TMEM259: variants seen among roughly 807,000 people sequenced by gnomAD.
TMEM259 encodes the protein membralin.
A neutral mutation model predicts 46.7 loss-of-function variants in TMEM259; 26 were observed. The observed-to-expected ratio is 0.56, with a 90% CI of 0.41 to 0.77. TMEM259 has a LOEUF of 0.77. Among genes scored for constraint, TMEM259 ranks in the 30% least tolerant of loss-of-function variants. The probability of loss-of-function intolerance (pLI) is 0.00; values close to 1 mark genes in which losing one functional copy is unlikely to be tolerated. For missense variants in TMEM259, 930 were observed against 900.5 expected, an observed-to-expected ratio of 1.03 and a Z score of -0.42; for synonymous variants, 494 against 395.1, an observed-to-expected ratio of 1.25 and a Z score of -2.97.
chr19:1,010,373 C>A lies in TMEM259; in HGVS notation c.1840G>T (p.Ala614Ser). The A allele has an allele frequency of 6.7e-7, 1 of 1,498,214 alleles. No individual in the cohort carries two copies. The highest frequency in any genetic ancestry group is 8.8e-7 in the Non-Finnish European group (1 of 1,131,504). The allele number at this position is 1,498,214 out of a possible 1,614,324, so 92.8% of individuals were successfully genotyped here. The change falls in exon 11 of 11, where the codon GCG (alanine) becomes TCG (serine). Residue 614 changes from alanine (A) to serine (S), a missense_variant. Physicochemically the swap from Ala to Ser is moderately conservative, Grantham distance 99. Coordinates refer to ENST00000356663, the MANE Select transcript of TMEM259 (RefSeq NM_001033026.2). ...GCTCAGGACCCCACCTCCGAGGGCG[C>A]CTCCGTTGGGGCCATGGAGGCCGGG... ...PSPASMAPTE[A>S]PSEVGS
In TMEM259 at chr19:1,011,929, G is replaced by A. The variant is rs756359340; in HGVS notation, c.905C>T (p.Thr302Met). ...GATGGCGAAGGCGGCCAGGTAGGAC[G>A]TCCGCGCCATCCACATGCTCACAAA... is the stretch of plus-strand genomic sequence containing the variant. ...YRFVSMWMAR[T>M]SYLAAFAIMV... is the part of the protein sequence containing the mutation. The change falls in exon 6 of 11, where the codon ACG becomes ATG. Residue 302 changes from threonine to methionine, a missense_variant. By Grantham distance (81) the Thr-to-Met change is moderately conservative (BLOSUM62 -1). Transcript: ENST00000356663. 10 of 1,611,658 alleles carry A rather than the reference G, an allele frequency of 6.2e-6. No individual in the cohort carries two copies. Among genetic ancestry groups the A allele is most frequent in the South Asian group, 2.2e-5 (2 of 91,068 alleles).
chr19:1,019,108 G>A (rs1473235294), intron 1 of TMEM259, among the ~76,000 whole-genome samples: 1 of 152,184 alleles, frequency 6.6e-6, no homozygotes, highest in Non-Finnish European at 1.5e-5. Flanking sequence ...ACAGAAGACG[G>A]GGAACTCCAG....
At chr19:1,016,752 T>C (rs937260200) in intron 1 of TMEM259, among the ~76,000 whole-genome samples, 12 of 152,156 alleles carry the variant, frequency 7.9e-5, no homozygotes, top group African/African-American at 2.7e-4. Flanking sequence ...GAAGAGCAGC[T>C]CCTGGGGTTG....
rs1486608895 is a variant in TMEM259, at chr19:1,020,315, G to A, written c.225+457C>T. ...CTGCGTCAGGCTGGGTTCTGGGCCA[G>A]CACATTGGGAGGGGAGAGAGGCCTC... On this transcript the variant is annotated intron_variant, in intron 1 of 10. Coordinates refer to ENST00000356663, the MANE Select transcript of TMEM259 (RefSeq NM_001033026.2). This position sits in a 1 kb window ranked among gnomAD's most constrained non-coding sequence, Gnocchi z 4.0. Among the ~76,000 whole-genome samples the A allele has an allele frequency of 6.6e-6, 1 of 152,062 alleles. No homozygotes were observed. The highest frequency in any genetic ancestry group is 1.9e-4 in the East Asian group (1 of 5,184).
Position 1,010,654 on chromosome 19 carries a change from G to C in TMEM259, c.1559C>G (p.Pro520Arg). The change falls in exon 11 of 11, where the codon CCC becomes CGC. Residue 520 changes from proline to arginine, a missense_variant. Transcript: ENST00000356663. ...SGSPGPVAAA[P>R]SSLVAAAASV... The stretch of plus-strand genomic sequence containing the variant: ...GGCTGCCGCGGCCACCAGGGAGCTG[G>C]GCGCCGCTGCCACAGGCCCGGGACT... 6.5e-7 allele frequency: 1 copy of C among 1,538,594 alleles called. No individual in the cohort carries two copies.
intron 4 of TMEM259, 76 bp downstream of exon 4, chr19:1,012,387 C>T (rs775087860): frequency 6.6e-7 from 1 of 1,522,076 alleles, no homozygotes; most frequent in Non-Finnish European, 8.8e-7. Flanking sequence ...CCCCGTCCCG[C>T]ACCAGCAGGA....
In TMEM259 at chr19:1,011,998, G is replaced by T; in HGVS notation, c.842-6C>A. On this transcript the variant is annotated splice_region_variant and splice_polypyrimidine_tract_variant and intron_variant, in intron 5 of 10. Transcript: ENST00000356663. ...CACCACATTCCGCAGGAAGCCTGCA[G>T]CAGAAGGAGCCGTGAGCGCCCGCCC... is the stretch of plus-strand genomic sequence containing the variant. 6.2e-7 allele frequency: 1 copy of T among 1,611,956 alleles called. No individual in the cohort carries two copies. The highest frequency in any genetic ancestry group is 8.5e-7 in the Non-Finnish European group (1 of 1,179,496).
chr19:1,019,016 C>T (rs1482647863), intron 1 of TMEM259, among the ~76,000 whole-genome samples: 4 of 151,426 alleles, frequency 2.6e-5, no homozygotes, highest in African/African-American at 9.7e-5. Context: ...ATTCACCACC[C>T]AGAGATCTCA....
chr19:1,019,237 G>T (rs189174233), intron 1 of TMEM259, among the ~76,000 whole-genome samples: 1 of 152,326 alleles, frequency 6.6e-6, no homozygotes, highest in Admixed American at 6.5e-5. Context: ...CGACAGGGAT[G>T]CACCTCCCAA....
chr19:1,018,328 G>A (rs1227986965), intron 1 of TMEM259, among the ~76,000 whole-genome samples: 1 of 152,202 alleles, frequency 6.6e-6, no homozygotes, highest in Non-Finnish European at 1.5e-5. Flanking sequence ...AGCCACCCAG[G>A]CATGGATGAG....
chr19:1,014,538 ACGTGATGGGG>A (rs3216950), intron 1 of TMEM259, 65 bp from the exon 2 acceptor site: 613,475 of 1,499,094 alleles, frequency 0.41, 132,742 homozygotes, highest in African/African-American at 0.63. Flanking sequence ...CCAAGGGCCT[ACGTGATGGGG>A]CGTGATGGGG....
Position 1,010,668 on chromosome 19 carries a change from A to G in TMEM259, c.1545T>C (p.Pro515=), listed in dbSNP as rs1450786347. The G allele has an allele frequency of 1.3e-6, 2 of 1,535,730 alleles. No individual in the cohort carries two copies. Among genetic ancestry groups the G allele is most frequent in the African/African-American group, 1.4e-5 (1 of 72,884 alleles). ...VSPGASGSPG[P]VAAAPSSLVA... is the part of the protein sequence containing the mutation. Reference sequence around the variant, plus strand: ...CCAGGGAGCTGGGCGCCGCTGCCACAGGCCCGGGACTCCCGCTGGCCCCAG... The same window carrying G: ...CCAGGGAGCTGGGCGCCGCTGCCACGGGCCCGGGACTCCCGCTGGCCCCAG... The change falls in exon 11 of 11, where the codon CCT becomes CCC. Residue 515 remains proline (P), a synonymous_variant. Transcript: ENST00000356663.
At chr19:1,019,104 G>C (rs1169078725) in intron 1 of TMEM259, among the ~76,000 whole-genome samples, 1 of 152,158 alleles carries the variant, frequency 6.6e-6, no homozygotes, top group African/African-American at 2.4e-5. Context: ...CTACACAGAA[G>C]ACGGGGAACT....
At chr19:1,019,201 G>A (rs562755790) in intron 1 of TMEM259, among the ~76,000 whole-genome samples, 6 of 151,514 alleles carry the variant, frequency 4.0e-5, no homozygotes, top group African/African-American at 1.5e-4. Flanking sequence ...TTTCCAAACC[G>A]GGACATGGTG....
At position 1,011,962 on chromosome 19, in the gene TMEM259, T is replaced by G; in HGVS notation, c.872A>C (p.His291Pro). 6.2e-7 allele frequency: 1 copy of G among 1,611,964 alleles called. No homozygotes were observed. The highest frequency in any genetic ancestry group is 8.5e-7 in the Non-Finnish European group (1 of 1,179,486). The change falls in exon 6 of 11, where the codon CAC (histidine) becomes CCC (proline). Residue 291 changes from histidine (H) to proline (P), a missense_variant. Transcript: ENST00000356663. ...GFLRNVVSGEHYRFVSMWMAR... is the reference protein window; with the variant it reads ...GFLRNVVSGEPYRFVSMWMAR... ...CATCCACATGCTCACAAAGCGGTAG[T>G]GCTCGCCCGACACCACATTCCGCAG...
intron 3 of TMEM259, among the ~76,000 whole-genome samples, chr19:1,012,946 T>TAAG (rs2038986443): frequency 6.6e-6 from 1 of 152,080 alleles, no homozygotes; most frequent in African/African-American, 2.4e-5. Context: ...GGCGGGGGCT[T>TAAG]CCCTGAGCAC....
At position 1,013,308 on chromosome 19, in the gene TMEM259, C is replaced by T. The variant is rs1379034856; in HGVS notation, c.540G>A (p.Lys180=). 8.7e-6 allele frequency: 14 copies of T among 1,613,654 alleles called. No homozygotes were observed. Among genetic ancestry groups the T allele is most frequent in the African/African-American group, 1.3e-5 (1 of 74,930 alleles). Residue 180 remains lysine, a synonymous_variant, in exon 3 of 11, where the codon AAG becomes AAA. Transcript: ENST00000356663. ...TCAGGGCCTCTGTGCTACTCGGCGG[C>T]TTGAACACCTTGGGCTCGATGTCCA... The part of the protein sequence containing the change: ...FELDIEPKVF[K]PPSSTEALND...
intron 1 of TMEM259, among the ~76,000 whole-genome samples, chr19:1,014,697 G>A (rs1178294642): frequency 3.9e-5 from 6 of 152,172 alleles, no homozygotes; most frequent in East Asian, 1.9e-4. Flanking sequence ...TCCGGGGGAC[G>A]CCCCACTCCA....
Position 1,010,904 on chromosome 19 carries a change from G to A in TMEM259, c.1318-9C>T, listed in dbSNP as rs11665815. 53,089 of 1,588,148 alleles carry A rather than the reference G, an allele frequency of 0.033. 1,135 individuals carry two copies. The highest frequency in any genetic ancestry group is 0.059 in the South Asian group (5,309 of 89,720). On this transcript the variant is annotated splice_polypyrimidine_tract_variant and intron_variant, in intron 10 of 10. Coordinates refer to ENST00000356663, the MANE Select transcript of TMEM259 (RefSeq NM_001033026.2). ...AAGTAGATCATGGAATGCTGCGGGAGGGAGAGTGGGAGTCAGGACGGGCCC... is the reference window on the plus strand; with the variant it reads ...AAGTAGATCATGGAATGCTGCGGGAAGGAGAGTGGGAGTCAGGACGGGCCC...
Sources: gnomAD v4.1 joint callset for allele counts (sites outside exome capture counted in the v4.1 genomes callset) on GRCh38, gnomAD v4.1.1 for gene constraint, Gnocchi (gnomAD v3.1) non-coding constraint, MANE v1.5 for transcripts, NCBI Gene and HGNC (gene_info 2026-07-23, HGNC 2026-07-21) for gene names.